The following DNAAF11 variants were observed in gnomAD, a reference collection of about 807,000 sequenced individuals.
The protein encoded by DNAAF11 is dynein axonemal assembly factor 11.
In DNAAF11, 45 loss-of-function variants were observed where a neutral mutation model predicts 60.8. The ratio of observed to expected loss-of-function variants is 0.74; its 90% CI spans 0.58 to 0.95. The LOEUF is 0.95. Ranked by LOEUF, DNAAF11 falls within the 40% of genes least tolerant of loss-of-function variation. DNAAF11 has a pLI of 0.00. For synonymous variants in DNAAF11, 191 were observed against 183.5 expected, an observed-to-expected ratio of 1.04 and a Z score of -0.33; for missense variants, 546 against 546.2, an observed-to-expected ratio of 1.00 and a Z score of 0.00.
intron 1 of DNAAF11, among the ~76,000 whole-genome samples, chr8:132,662,661 A>G (rs1377814820): frequency 6.6e-6 from 1 of 152,206 alleles, no homozygotes; most frequent in East Asian, 1.9e-4. Context: ...CAGAGAGTTT[A>G]AATAACTTAC....
intron 10 of DNAAF11, among the ~76,000 whole-genome samples, chr8:132,608,916 T>C (rs981946552): frequency 4.6e-5 from 7 of 152,210 alleles, no homozygotes; most frequent in African/African-American, 1.2e-4. Context: ...CCGTTGGAAA[T>C]TGGCTACAGG....
rs940605290 is a variant in DNAAF11 at position 132,610,900 on chromosome 8, T to G, written c.1044+394A>C. Among the ~76,000 whole-genome samples, 37 of 152,138 alleles carry G rather than the reference T, an allele frequency of 2.4e-4. 1 individual carries two copies. The highest frequency in any genetic ancestry group is 6.8e-4 in the African/African-American group (28 of 41,424). ...GTTTTATTTTTGTTTATTTATTTAT[T>G]TATTTATTTTTGAGTCAGAGTCTCA... is the stretch of plus-strand genomic sequence containing the variant. On this transcript the variant is annotated intron_variant, in intron 9 of 11. Coordinates refer to ENST00000620350, the MANE Select transcript of DNAAF11 (RefSeq NM_012472.6).
intron 11 of DNAAF11, among the ~76,000 whole-genome samples, chr8:132,582,713 C>A (rs1033863767): frequency 6.6e-6 from 1 of 152,214 alleles, no homozygotes; most frequent in African/African-American, 2.4e-5. Flanking sequence ...TTTGAATATA[C>A]CAATGCCTGA....
Position 132,635,442 on chromosome 8 carries a change from G to A in DNAAF11, c.430-2479C>T, listed in dbSNP as rs187736047. ...GGCACACAATTCACAGGCAGTGGAA[G>A]CAGGGGTCAGACCTTGGTTTGTCTG... On this transcript the variant is annotated intron_variant, in intron 4 of 11. Transcript: ENST00000620350. Among the ~76,000 whole-genome samples, 101 of 152,314 alleles carry A rather than the reference G, an allele frequency of 6.6e-4. 2 individuals carry two copies. Among genetic ancestry groups the A allele is most frequent in the African/African-American group, 2.3e-3 (94 of 41,574 alleles).
intron 7 of DNAAF11, among the ~76,000 whole-genome samples, chr8:132,615,929 C>T (rs978788605): frequency 1.3e-5 from 2 of 152,096 alleles, no homozygotes; most frequent in Non-Finnish European, 2.9e-5. Flanking sequence ...TTTGGCTGTT[C>T]GCCCCATTTC....
At position 132,632,321 on chromosome 8, in the gene DNAAF11, T is replaced by A. The variant is rs1820879621; in HGVS notation, c.653+419A>T. 3.3e-5 allele frequency among the ~76,000 whole-genome samples: 5 copies of A among 152,300 alleles called. No homozygotes were observed. In the South Asian group the frequency reaches 1.0e-3, roughly 32 times the overall value. ...GTTATTAATCACATTAAAAATGTATTCAGTATTTTTCTGAAATCTATTCCA... is the reference window on the plus strand; with the variant it reads ...GTTATTAATCACATTAAAAATGTATACAGTATTTTTCTGAAATCTATTCCA... On this transcript the variant is annotated intron_variant, in intron 5 of 11. Transcript: ENST00000620350.
intron 10 of DNAAF11, among the ~76,000 whole-genome samples, chr8:132,588,487 T>C (rs1367987849): frequency 2.0e-5 from 3 of 152,284 alleles, no homozygotes; most frequent in Non-Finnish European, 4.4e-5. Context: ...ATGCCAAGCA[T>C]AGGACTGAGA....
chr8:132,620,596 A>T (rs1819658444), intron 7 of DNAAF11, among the ~76,000 whole-genome samples: 1 of 152,192 alleles, frequency 6.6e-6, no homozygotes, highest in South Asian at 2.1e-4. Context: ...CGGTCTCCCA[A>T]AGTGCTGGGA....
intron 3 of DNAAF11, among the ~76,000 whole-genome samples, chr8:132,643,008 T>C (rs1183611943): frequency 1.3e-5 from 2 of 152,174 alleles, no homozygotes; most frequent in Non-Finnish European, 2.9e-5. Context: ...AGGCATTAGT[T>C]CTCATACGAG....
At chr8:132,687,585 C>T in the DNAAF11 span, 1 of 455,966 alleles carries the variant, frequency 2.2e-6, no homozygotes, top group Admixed American at 2.4e-5. Context: ...TGAGTTCTCA[C>T]CAGGTGCTGC....
intron 2 of DNAAF11, among the ~76,000 whole-genome samples, chr8:132,660,244 T>C (rs556908837): frequency 6.6e-5 from 10 of 152,266 alleles, no homozygotes; most frequent in African/African-American, 2.4e-4. Context: ...TTTTTAATTA[T>C]ACTTTAAGTT....
intron 10 of DNAAF11, 91 bp downstream of exon 10, chr8:132,610,075 T>G: frequency 3.6e-6 from 3 of 838,616 alleles, no homozygotes; most frequent in Non-Finnish European, 5.9e-6. Context: ...AAATGTACTT[T>G]AATCAGAAGT....
At chr8:132,579,793 G>C (rs1203285996) in intron 11 of DNAAF11, among the ~76,000 whole-genome samples, 1 of 152,248 alleles carries the variant, frequency 6.6e-6, no homozygotes, top group Non-Finnish European at 1.5e-5. Context: ...CCAGGAGTTT[G>C]AGACCAGCCT....
chr8:132,578,713 T>C (rs1196978870), intron 11 of DNAAF11, among the ~76,000 whole-genome samples: 2 of 152,208 alleles, frequency 1.3e-5, no homozygotes, highest in African/African-American at 4.8e-5. Context: ...CTGAAAACTT[T>C]CTTGAGATCA....
intron 1 of DNAAF11, among the ~76,000 whole-genome samples, chr8:132,674,162 G>GGAGGAGGAA (rs1825516070): frequency 6.8e-6 from 1 of 147,224 alleles, no homozygotes; most frequent in African/African-American, 2.6e-5. Context: ...AGGAGGAGAA[G>GGAGGAGGAA]GAGAAGGAGG....
the DNAAF11 span, among the ~76,000 whole-genome samples, chr8:132,693,691 T>G: frequency 0.59 from 89,638 of 151,744 alleles, 29,187 homozygotes; most frequent in African/African-American, 0.89. Flanking sequence ...GGAGATGTGA[T>G]TGCTGGGAGG....
At chr8:132,584,305 C>T (rs1298781224) in intron 10 of DNAAF11, among the ~76,000 whole-genome samples, 3 of 152,146 alleles carry the variant, frequency 2.0e-5, no homozygotes, top group African/African-American at 7.2e-5. Context: ...ACTAAGTAAG[C>T]TCAGTGCTAA....
At chr8:132,595,688 A>G (rs755234366) in intron 10 of DNAAF11, among the ~76,000 whole-genome samples, 1 of 152,160 alleles carries the variant, frequency 6.6e-6, no homozygotes, top group Non-Finnish European at 1.5e-5. Flanking sequence ...ACCATGAGTT[A>G]TTTTTTTCTT....
At position 132,621,317 on chromosome 8, in the gene DNAAF11, C is replaced by G. The variant is rs73708317; in HGVS notation, c.914+1294G>C. Among the ~76,000 whole-genome samples the G allele has an allele frequency of 7.4e-3, 1,133 of 152,154 alleles. 16 individuals are homozygous for G. The highest frequency in any genetic ancestry group is 0.026 in the African/African-American group (1,072 of 41,504). ...TCAAGCTCCAGAGGGCACAGGGGTC[C>G]AAAAGGGGTGACAATGAGTTGAAGT... is the stretch of plus-strand genomic sequence containing the variant. On this transcript the variant is annotated intron_variant, in intron 7 of 11. Coordinates refer to ENST00000620350, the MANE Select transcript of DNAAF11 (RefSeq NM_012472.6).
Sources: gnomAD v4.1 joint callset for allele counts (sites outside exome capture counted in the v4.1 genomes callset) on GRCh38, gnomAD v4.1.1 for gene constraint, MANE v1.5 for transcripts, NCBI Gene and HGNC (gene_info 2026-07-23, HGNC 2026-07-21) for gene names.